TOMM22: variants seen among roughly 807,000 people sequenced by gnomAD.
The protein encoded by TOMM22 is mitochondrial import receptor subunit TOM22 homolog.
A neutral mutation model predicts 17.1 loss-of-function variants in TOMM22; 3 were observed. The ratio of observed to expected loss-of-function variants is 0.18; its 90% confidence interval spans 0.08 to 0.45. The LOEUF is 0.45. Ranked by LOEUF, TOMM22 falls within the 20% of genes least tolerant of loss-of-function variation. The pLI is 0.99. For missense variants in TOMM22, 159 were observed against 179.5 expected (o/e 0.89, Z 0.65); for synonymous variants, 91 against 74.0 (o/e 1.23, Z -1.18).
Position 38,683,989 on chromosome 22 carries a change from A to G in TOMM22, c.*148A>G. The G allele has an allele frequency of 1.5e-6, 1 of 656,388 alleles. No individual in the cohort carries two copies. The highest frequency in any genetic ancestry group is 2.6e-6 in the Non-Finnish European group (1 of 383,022). The allele number at this position is 656,388 out of a possible 1,614,324, so 40.7% of individuals were successfully genotyped here. A position where few individuals can be genotyped will look rare whatever the true frequency, so the allele number is the denominator to read the frequency against. On this transcript the variant is annotated 3_prime_UTR_variant, in exon 4 of 4. Coordinates refer to ENST00000216034, the MANE Select transcript of TOMM22 (RefSeq NM_020243.5). ...GGGAGAATTATCCCCACATTGTCTC[A>G]TGGAAAGACTCAACTTGCAACTGTG...
chr22:38,682,722 C>A (rs747857579), intron 2 of TOMM22, among the ~76,000 whole-genome samples, 157 bp from the exon 3 acceptor site: 1 of 151,880 alleles, frequency 6.6e-6, no homozygotes, highest in East Asian at 1.9e-4. Context: ...CATAGCTGCT[C>A]CTCCTGTCTC....
rs769657012 is a variant in TOMM22, at chr22:38,681,991, G to C, written c.13G>C (p.Val5Leu). 3 of 1,610,802 alleles carry C rather than the reference G, an allele frequency of 1.9e-6. No homozygotes were observed. Among genetic ancestry groups the C allele is most frequent in the South Asian group, 2.2e-5 (2 of 90,870 alleles). The change falls in exon 1 of 4, where the codon GTC (valine) becomes CTC (leucine). Residue 5 changes from valine (V) to leucine (L), a missense_variant. Physicochemically the swap from Val to Leu is conservative, Grantham distance 32. Transcript: ENST00000216034. MAAAVAAAGAGEPQS... is the reference protein window; with the variant it reads MAAALAAAGAGEPQS... The stretch of plus-strand genomic sequence containing the variant: ...GTCCCCTACAGTCATGGCTGCCGCC[G>C]TCGCTGCTGCCGGTGCAGGGGAACC...
At chr22:38,683,498 C>T (rs1249103844) in intron 3 of TOMM22, among the ~76,000 whole-genome samples, 1 of 152,198 alleles carries the variant, frequency 6.6e-6, no homozygotes, top group Non-Finnish European at 1.5e-5. Flanking sequence ...CTCTCACTTG[C>T]CTGCTGCTGA....
rs1555985187 is a variant in TOMM22 at position 38,683,150 on chromosome 22, G to GGT, written c.354+155_354+156insTG. Reference sequence around the variant, plus strand: ...TGGGGGTGGCCGGGGGTCGGGGGGGGGGTTCTGGATGATTCAAGTGCATTA... The same window carrying GGT: ...TGGGGGTGGCCGGGGGTCGGGGGGGGGTGGTTCTGGATGATTCAAGTGCATTA... On this transcript the variant is annotated intron_variant, in intron 3 of 3. Coordinates refer to ENST00000216034, the MANE Select transcript of TOMM22 (RefSeq NM_020243.5). 7.7e-4 allele frequency among the ~76,000 whole-genome samples: 105 copies of GGT among 137,040 alleles called. 1 individual carries two copies. Among genetic ancestry groups the GGT allele is most frequent in the African/African-American group, 3.0e-3 (103 of 34,854 alleles). 89.9% of individuals were successfully genotyped at this position (137,040 alleles called of 152,430 possible). A position where few individuals can be genotyped will look rare whatever the true frequency, so the allele number is the denominator to read the frequency against.
At position 38,682,963 on chromosome 22, in the gene TOMM22, A is replaced by C. The variant is rs765037190; in HGVS notation, c.321A>C (p.Gln107His). 1.2e-5 allele frequency: 19 copies of C among 1,613,576 alleles called. No homozygotes were observed. In the East Asian group the frequency reaches 3.3e-4, roughly 28 times the overall value. Residue 107 changes from glutamine (Q) to histidine (H), a missense_variant, in exon 3 of 4, where the codon CAA (glutamine) becomes CAC (histidine). By Grantham distance (24) the Gln-to-His change is conservative. Coordinates refer to ENST00000216034, the MANE Select transcript of TOMM22 (RefSeq NM_020243.5). ...TTGTCTTTGAGACGGAGAAGTTGCA[A>C]ATGGAGCAACAGCAGCAACTGCAGC... The part of the protein sequence containing the change: ...LPVVFETEKL[Q>H]MEQQQQLQQR...
chr22:38,683,145 G>C lies in TOMM22; in HGVS notation c.354+149G>C, dbSNP rs557865033. ...TGGGTTGGGGGTGGCCGGGGGTCGG[G>C]GGGGGGGTTCTGGATGATTCAAGTG... On this transcript the variant is annotated intron_variant, in intron 3 of 3. Transcript: ENST00000216034. The C allele has an allele frequency of 6.8e-5, 37 of 540,280 alleles. 2 individuals carry two copies. In the East Asian group the frequency reaches 9.3e-4, roughly 14 times the overall value. The allele number at this position is 540,280 out of a possible 1,614,324, so 33.5% of individuals were successfully genotyped here. A position where few individuals can be genotyped will look rare whatever the true frequency, so the allele number is the denominator to read the frequency against.
Sources: gnomAD v4.1 joint callset for allele counts (sites outside exome capture counted in the v4.1 genomes callset) on GRCh38, gnomAD v4.1.1 for gene constraint, MANE v1.5 for transcripts, NCBI Gene and HGNC (gene_info 2026-07-23, HGNC 2026-07-21) for gene names.